Variants in TMEM132C observed in about 807,000 individuals in gnomAD.
TMEM132C encodes transmembrane protein 132C, also known as protein phosphatase 1, regulatory subunit 152.
A neutral mutation model predicts 61.4 loss-of-function variants in TMEM132C; 29 were observed. The ratio of observed to expected loss-of-function variants is 0.47; its 90% CI spans 0.35 to 0.64. The LOEUF (loss-of-function observed/expected upper bound fraction) is 0.64, where lower values mean the gene tolerates loss of function less well. Ranked by LOEUF, TMEM132C falls within the 30% of genes least tolerant of loss-of-function variation. TMEM132C has a pLI of 0.00. For synonymous variants in TMEM132C, 656 were observed against 633.1 expected (o/e 1.04, Z -0.54); for missense variants, 1,408 against 1,476.9 (o/e 0.95, Z 0.76).
intron 1 of TMEM132C, among the ~76,000 whole-genome samples, chr12:128,357,724 C>A (rs1713639): frequency 6.6e-6 from 1 of 150,652 alleles, no homozygotes; most frequent in Non-Finnish European, 1.5e-5. Context: ...AAAGAAGGAG[C>A]CCAAAGAAGC....
At chr12:128,560,410 C>T (rs1033235950) in intron 3 of TMEM132C, among the ~76,000 whole-genome samples, 2 of 152,228 alleles carry the variant, frequency 1.3e-5, no homozygotes, top group Non-Finnish European at 2.9e-5. Flanking sequence ...CCACAGTGGC[C>T]TTCCAGGAGA....
At chr12:128,314,614 A>C (rs568083242) in intron 1 of TMEM132C, among the ~76,000 whole-genome samples, 18 of 152,254 alleles carry the variant, frequency 1.2e-4, no homozygotes, top group African/African-American at 4.1e-4. Flanking sequence ...GGTGGGCTCT[A>C]AATCCAGTAA....
chr12:128,702,271 T>G (rs1169903347), intron 8 of TMEM132C, among the ~76,000 whole-genome samples: 1 of 152,228 alleles, frequency 6.6e-6, no homozygotes, highest in Non-Finnish European at 1.5e-5. Context: ...AATTTTTAAT[T>G]TCTTTTTAAT....
In TMEM132C at chr12:128,392,064, TTCTCTCTCTCTCTCTC is replaced by T. The variant is rs34334973; in HGVS notation, c.86-22649_86-22634del. On this transcript the variant is annotated intron_variant, in intron 1 of 8. Coordinates refer to ENST00000435159, the MANE Select transcript of TMEM132C (RefSeq NM_001136103.3). The stretch of plus-strand genomic sequence containing the variant: ...TCTCTCTGTCTCTGTCTCTCTCTCT[TTCTCTCTCTCTCTCTC>T]TCTCTCTCTCTCTCTCTCAGAGATG... 8.4e-5 allele frequency among the ~76,000 whole-genome samples: 11 copies of T among 130,534 alleles called. No homozygotes were observed. The East Asian group carries it at 2.3e-3, about 27-fold the overall frequency. The allele number at this position is 130,534 out of a possible 152,430, so 85.6% of individuals were successfully genotyped here. A position where few individuals can be genotyped will look rare whatever the true frequency, so the allele number is the denominator to read the frequency against.
At chr12:128,392,970 A>T (rs1046309630) in intron 1 of TMEM132C, among the ~76,000 whole-genome samples, 1 of 152,316 alleles carries the variant, frequency 6.6e-6, no homozygotes, top group Non-Finnish European at 1.5e-5. Flanking sequence ...TGAGGCATAG[A>T]TGTATCAAGG....
chr12:128,337,642 G>T (rs1179302555), intron 1 of TMEM132C, among the ~76,000 whole-genome samples: 1 of 152,150 alleles, frequency 6.6e-6, no homozygotes, highest in African/African-American at 2.4e-5. Flanking sequence ...TGCAAACCCG[G>T]GGAGGTCTCA....
intron 2 of TMEM132C, among the ~76,000 whole-genome samples, chr12:128,464,662 G>GTA (rs1344809251): frequency 2.0e-5 from 3 of 152,144 alleles, no homozygotes; most frequent in African/African-American, 7.2e-5. Flanking sequence ...CTACTCAGGA[G>GTA]GCTGAGATGG....
chr12:128,569,663 GTAGTAAAA>G (rs1874809699), intron 3 of TMEM132C, among the ~76,000 whole-genome samples: 1 of 152,206 alleles, frequency 6.6e-6, no homozygotes, highest in Non-Finnish European at 1.5e-5. Flanking sequence ...TGTGGAGAGA[GTAGTAAAA>G]CCTGACAGGT....
chr12:128,272,077 T>C (rs942731554), intron 1 of TMEM132C, among the ~76,000 whole-genome samples: 1 of 152,190 alleles, frequency 6.6e-6, no homozygotes, highest in African/African-American at 2.4e-5. Context: ...CCTCTTTGAG[T>C]GTATAGTTCT....
intron 5 of TMEM132C, among the ~76,000 whole-genome samples, chr12:128,687,286 G>T (rs533553628): frequency 6.6e-6 from 1 of 152,110 alleles, no homozygotes; most frequent in South Asian, 2.1e-4. Flanking sequence ...CTCAGCCTCG[G>T]TGCTATTGAC....
At chr12:128,573,286 G>C (rs1874962894) in intron 3 of TMEM132C, among the ~76,000 whole-genome samples, 1 of 152,128 alleles carries the variant, frequency 6.6e-6, no homozygotes, top group Non-Finnish European at 1.5e-5. Flanking sequence ...AAAATGATGA[G>C]TTCATGTCCT....
chr12:128,279,016 C>G (rs1238649640), intron 1 of TMEM132C, among the ~76,000 whole-genome samples: 1 of 152,142 alleles, frequency 6.6e-6, no homozygotes, highest in Non-Finnish European at 1.5e-5. Context: ...ACTTGCCAGA[C>G]TCCATAATTG....
intron 2 of TMEM132C, among the ~76,000 whole-genome samples, chr12:128,449,351 A>G (rs1870105088): frequency 6.6e-6 from 1 of 152,016 alleles, no homozygotes; most frequent in South Asian, 2.1e-4. Context: ...TACTGAAATT[A>G]CTTTCCTGGT....
chr12:128,378,718 T>C (rs1183569425), intron 1 of TMEM132C, among the ~76,000 whole-genome samples: 1 of 152,122 alleles, frequency 6.6e-6, no homozygotes, highest in Non-Finnish European at 1.5e-5. Context: ...GGGGCTCTCC[T>C]CTGCTCGGGA....
chr12:128,534,968 A>C (rs1873464723), intron 2 of TMEM132C, among the ~76,000 whole-genome samples: 1 of 152,242 alleles, frequency 6.6e-6, no homozygotes, highest in Non-Finnish European at 1.5e-5. Flanking sequence ...CAAATGCAGA[A>C]AAAGCCAATT....
intron 4 of TMEM132C, among the ~76,000 whole-genome samples, chr12:128,658,041 G>A (rs1338791679): frequency 6.7e-6 from 1 of 148,292 alleles, no homozygotes; most frequent in Non-Finnish European, 1.5e-5. Flanking sequence ...CAAGGCAGGA[G>A]CAGGGACGCA....
At chr12:128,477,730 C>A (rs959969379) in intron 2 of TMEM132C, among the ~76,000 whole-genome samples, 17 of 152,176 alleles carry the variant, frequency 1.1e-4, no homozygotes, top group African/African-American at 4.1e-4. Context: ...TAGGCACCCG[C>A]CGTCACACCC....
intron 4 of TMEM132C, among the ~76,000 whole-genome samples, chr12:128,617,583 T>C (rs1876852441): frequency 6.6e-6 from 1 of 151,912 alleles, no homozygotes; most frequent in Admixed American, 6.6e-5. Context: ...GAGGCAGGTG[T>C]GAAATCAAGT....
At chr12:128,496,697 G>T (rs1342288604) in intron 2 of TMEM132C, among the ~76,000 whole-genome samples, 1 of 152,160 alleles carries the variant, frequency 6.6e-6, no homozygotes, top group Non-Finnish European at 1.5e-5. Context: ...GTCATTTAAG[G>T]ACTTCACTAC....
Sources: gnomAD v4.1 joint callset for allele counts (sites outside exome capture counted in the v4.1 genomes callset) on GRCh38, gnomAD v4.1.1 for gene constraint, MANE v1.5 for transcripts, NCBI Gene and HGNC (gene_info 2026-07-23, HGNC 2026-07-21) for gene names.